C10orf90: variants seen among roughly 807,000 people sequenced by gnomAD.
The protein encoded by C10orf90 is chromosome 10 open reading frame 90.
A neutral mutation model predicts 62.5 loss-of-function variants in C10orf90; 56 were observed. The ratio of observed to expected loss-of-function variants is 0.90; its 90% CI spans 0.72 to 1.12. The LOEUF (loss-of-function observed/expected upper bound fraction) is 1.12, where lower values mean the gene tolerates loss of function less well. C10orf90 is among the 50% of genes most tolerant of loss of function. C10orf90 has a pLI of 0.00. For synonymous variants in C10orf90, 386 were observed against 340.4 expected, an observed-to-expected ratio of 1.13 and a Z score of -1.47; for missense variants, 970 against 880.4, an observed-to-expected ratio of 1.10 and a Z score of -1.29.
chr10:126,653,032 A>T (rs1846321854), intron 1 of C10orf90, among the ~76,000 whole-genome samples: 2 of 152,230 alleles, frequency 1.3e-5, no homozygotes, highest in Non-Finnish European at 2.9e-5. Context: ...CAAAAAATGT[A>T]CATACCTTAA....
chr10:126,609,063 C>A (rs936569358), intron 2 of C10orf90, among the ~76,000 whole-genome samples: 1 of 152,166 alleles, frequency 6.6e-6, no homozygotes, highest in Admixed American at 6.5e-5. Flanking sequence ...TTCATCCTTT[C>A]CTGCCTCAGT....
chr10:126,429,057 A>C (rs563196883), intron 8 of C10orf90, among the ~76,000 whole-genome samples: 3 of 152,294 alleles, frequency 2.0e-5, no homozygotes, highest in Middle Eastern at 3.4e-3. Flanking sequence ...AATTTGATTT[A>C]ATTATGATAA....
chr10:126,637,447 A>G (rs1845974065), intron 2 of C10orf90, among the ~76,000 whole-genome samples: 1 of 152,242 alleles, frequency 6.6e-6, no homozygotes, highest in Admixed American at 6.5e-5. Context: ...ACTGGCAAGC[A>G]AAATCAGACA....
intron 7 of C10orf90, among the ~76,000 whole-genome samples, chr10:126,446,564 G>C (rs776931818): frequency 1.3e-5 from 2 of 151,932 alleles, no homozygotes; most frequent in African/African-American, 4.8e-5. Flanking sequence ...AGAGATAAAG[G>C]CTTTGTCAAA....
In C10orf90 at chr10:126,470,744, T is replaced by A. The variant is rs1307732220; in HGVS notation, c.1535-5758A>T. On this transcript the variant is annotated intron_variant, in intron 4 of 9. Transcript: ENST00000488181. ...CAGCCTGGGTGACAGAACGAGACTC[T>A]GTCTCAAAAAAAAAAAAAATACAGA... Among the ~76,000 whole-genome samples, 5 of 144,474 alleles carry A rather than the reference T, an allele frequency of 3.5e-5. No individual in the cohort carries two copies. The Admixed American group carries it at 3.5e-4, about 10-fold the overall frequency. 94.8% of individuals were successfully genotyped at this position (144,474 alleles called of 152,430 possible). A position where few individuals can be genotyped will look rare whatever the true frequency, so the allele number is the denominator to read the frequency against.
At chr10:126,657,020 T>C (rs1419180827) in intron 1 of C10orf90, among the ~76,000 whole-genome samples, 1 of 152,212 alleles carries the variant, frequency 6.6e-6, no homozygotes, top group Non-Finnish European at 1.5e-5. Context: ...GCATTCATAC[T>C]TTGTGTTCTG....
chr10:126,624,810 A>G (rs1294418797), intron 2 of C10orf90, among the ~76,000 whole-genome samples: 2 of 152,122 alleles, frequency 1.3e-5, no homozygotes, highest in Non-Finnish European at 2.9e-5. Flanking sequence ...TAGCCCCCAC[A>G]GTGGGGGGCA....
At chr10:126,495,947 C>T (rs143936084) in intron 4 of C10orf90, among the ~76,000 whole-genome samples, 11 of 152,256 alleles carry the variant, frequency 7.2e-5, no homozygotes, top group African/African-American at 2.4e-4. Context: ...GCACTCTTTA[C>T]GTAAATTACC....
intron 3 of C10orf90, among the ~76,000 whole-genome samples, chr10:126,513,526 T>C (rs542834628): frequency 2.8e-4 from 42 of 152,348 alleles, no homozygotes; most frequent in African/African-American, 9.1e-4. Flanking sequence ...ACCAGCTTGT[T>C]AGATTTCAGA....
intron 2 of C10orf90, among the ~76,000 whole-genome samples, chr10:126,642,416 CA>C (rs1301085971): frequency 6.6e-6 from 1 of 152,072 alleles, no homozygotes; most frequent in East Asian, 1.9e-4. Context: ...CCTGTAGTCC[CA>C]GCTACTCGGG....
intron 1 of C10orf90, among the ~76,000 whole-genome samples, chr10:126,654,674 T>C (rs187926982): frequency 6.6e-5 from 10 of 152,352 alleles, no homozygotes; most frequent in Admixed American, 5.9e-4. Flanking sequence ...TGGCTAACTC[T>C]TTGGTACAAC....
intron 2 of C10orf90, chr10:126,524,764 C>T: frequency 1.0e-6 from 1 of 985,524 alleles, no homozygotes; most frequent in Non-Finnish European, 1.2e-6. Flanking sequence ...CCATCTAGCT[C>T]TGCCATGAGG....
chr10:126,644,621 G>A (rs1015601238), intron 2 of C10orf90, among the ~76,000 whole-genome samples: 2 of 152,212 alleles, frequency 1.3e-5, no homozygotes, highest in Admixed American at 6.5e-5. Context: ...CCTGCAGCCT[G>A]CACCGTTAAC....
At chr10:126,506,464 A>C (rs1479969191) in intron 3 of C10orf90, among the ~76,000 whole-genome samples, 2 of 152,246 alleles carry the variant, frequency 1.3e-5, no homozygotes, top group Non-Finnish European at 2.9e-5. Flanking sequence ...CACTGCTTGC[A>C]GAGAATCTTT....
intron 2 of C10orf90, among the ~76,000 whole-genome samples, chr10:126,573,892 A>C (rs1844559405): frequency 6.6e-6 from 1 of 152,286 alleles, no homozygotes. Flanking sequence ...TACCTCATGC[A>C]GAGTGAGGTG....
intron 2 of C10orf90, among the ~76,000 whole-genome samples, chr10:126,570,854 T>C (rs1844490820): frequency 6.6e-6 from 1 of 152,110 alleles, no homozygotes; most frequent in South Asian, 2.1e-4. Flanking sequence ...CAAAATAATA[T>C]GATCTCATTT....
intron 2 of C10orf90, among the ~76,000 whole-genome samples, chr10:126,605,213 C>T (rs12248492): frequency 0.019 from 2,963 of 152,240 alleles, 92 homozygotes; most frequent in African/African-American, 0.068. Flanking sequence ...TATGAATGAC[C>T]GTAAATGCCC....
At chr10:126,588,428 T>G (rs1164860193) in intron 2 of C10orf90, among the ~76,000 whole-genome samples, 1 of 152,124 alleles carries the variant, frequency 6.6e-6, no homozygotes, top group Admixed American at 6.5e-5. Context: ...ACAGGAGTGT[T>G]CCAGCCGGCA....
chr10:126,670,655 G>A lies in C10orf90; in HGVS notation c.-175C>T, dbSNP rs912665895. Among the ~76,000 whole-genome samples the A allele has an allele frequency of 1.4e-5, 2 of 141,184 alleles. No homozygotes were observed. The highest frequency in any genetic ancestry group is 1.4e-4 in the Admixed American group (2 of 13,924). 92.6% of individuals were successfully genotyped at this position (141,184 alleles called of 152,430 possible). On this transcript the variant is annotated 5_prime_UTR_variant, in exon 1 of 10. Transcript: ENST00000488181. ...CAATATCCCAGCTACATTTGTGAAG[G>A]ATGTGGATGTGGGAACCTCAGGGGT...
Sources: allele counts gnomAD v4.1 joint callset (sites outside exome capture counted in the v4.1 genomes callset), GRCh38; gene constraint gnomAD v4.1.1; transcripts MANE v1.5; gene names NCBI Gene and HGNC (gene_info 2026-07-23, HGNC 2026-07-21).